ZEB2: variants seen among roughly 807,000 people sequenced by gnomAD.
The protein encoded by ZEB2 is zinc finger E-box binding homeobox 2, also known as zinc finger E-box-binding homeobox 2.
Under a neutral mutation model 99.9 loss-of-function variants are expected in ZEB2, and 6 were observed. That is an observed-to-expected ratio of 0.06 (90% CI 0.03 to 0.12). The LOEUF is 0.12. ZEB2 is among the 10% of genes least tolerant of loss of function. ZEB2 has a pLI of 1.00. For missense variants in ZEB2, 969 were observed against 1,502.8 expected, an observed-to-expected ratio of 0.64 and a Z score of 5.87; for synonymous variants, 517 against 542.5, an observed-to-expected ratio of 0.95 and a Z score of 0.65.
chr2:144,424,455 GTATATCA>G (rs1191081447), intron 4 of ZEB2: 2 of 538,000 alleles, frequency 3.7e-6, no homozygotes, highest in Non-Finnish European at 7.3e-6. Context: ...GCTAGCAGAG[GTATATCA>G]TATCCTAATT....
At chr2:144,489,966 T>G (rs540302655) in intron 2 of ZEB2, among the ~76,000 whole-genome samples, 1 of 152,240 alleles carries the variant, frequency 6.6e-6, no homozygotes, top group Admixed American at 6.5e-5. Flanking sequence ...GTTAACATGT[T>G]GTCAGAGAGA....
At chr2:144,456,363 A>G (rs1414671058) in intron 2 of ZEB2, among the ~76,000 whole-genome samples, 1 of 152,332 alleles carries the variant, frequency 6.6e-6, no homozygotes, top group Admixed American at 6.5e-5. Context: ...TATCGTAAGC[A>G]GACAATTCGA....
intron 2 of ZEB2, among the ~76,000 whole-genome samples, chr2:144,469,893 G>A (rs2149908692): frequency 6.6e-6 from 1 of 152,256 alleles, no homozygotes; most frequent in South Asian, 2.1e-4. Context: ...AAGGGTTACA[G>A]TGTGGAAATG....
At chr2:144,505,570 G>A (rs1704941838) in intron 2 of ZEB2, among the ~76,000 whole-genome samples, 2 of 152,206 alleles carry the variant, frequency 1.3e-5, no homozygotes, top group Admixed American at 6.5e-5. Flanking sequence ...AAGGGGCAAA[G>A]TGGAGTGGGA....
chr2:144,516,692 C>T (rs1013071316), intron 2 of ZEB2: 5 of 152,074 alleles, frequency 3.3e-5, no homozygotes, highest in Non-Finnish European at 5.9e-5. Context: ...GACTCCCTCC[C>T]ACCCCGGGGT....
rs978421589 is a variant in ZEB2, at chr2:144,511,489, C to T, written c.73+5789G>A. On this transcript the variant is annotated intron_variant, in intron 2 of 9. Coordinates refer to ENST00000627532, the MANE Select transcript of ZEB2 (RefSeq NM_014795.4). ...TCACACAAGATAAAAGTATTTGGCA[C>T]ATAGCTATTAAGGCAAAGGCTTCCA... 3.1e-5 allele frequency: 40 copies of T among 1,279,408 alleles called. No homozygotes were observed. In the African/African-American group the frequency reaches 4.3e-4, roughly 14 times the overall value. The allele number at this position is 1,279,408 out of a possible 1,614,324, so 79.3% of individuals were successfully genotyped here.
chr2:144,440,957 T>C (rs1703908094), intron 2 of ZEB2, among the ~76,000 whole-genome samples: 1 of 150,602 alleles, frequency 6.6e-6, no homozygotes, highest in South Asian at 2.1e-4. Context: ...TCACCCAGAC[T>C]TTCCCCTTTT....
chr2:144,486,397 T>C (rs1704598471), intron 2 of ZEB2, among the ~76,000 whole-genome samples: 1 of 150,810 alleles, frequency 6.6e-6, no homozygotes, highest in South Asian at 2.1e-4. Flanking sequence ...AGAAAGAATA[T>C]AATGTACTTA....
chr2:144,441,315 G>A (rs1174736940), intron 2 of ZEB2, among the ~76,000 whole-genome samples: 1 of 151,946 alleles, frequency 6.6e-6, no homozygotes, highest in Non-Finnish European at 1.5e-5. Flanking sequence ...GACCCTGGCC[G>A]CTTGGCGGCC....
At chr2:144,390,485 G>A (rs1283708071) in intron 9 of ZEB2, 1 of 245,328 alleles carries the variant, frequency 4.1e-6, no homozygotes, top group African/African-American at 2.3e-5. Flanking sequence ...TATATCATGA[G>A]ATAGTTGCTT....
chr2:144,483,290 T>C (rs1171639388), intron 2 of ZEB2, among the ~76,000 whole-genome samples: 1 of 152,184 alleles, frequency 6.6e-6, no homozygotes. Flanking sequence ...CCAATAGTCA[T>C]CCAACTTTTC....
At chr2:144,501,276 T>G (rs1028930052) in intron 2 of ZEB2, among the ~76,000 whole-genome samples, 4 of 152,180 alleles carry the variant, frequency 2.6e-5, no homozygotes, top group African/African-American at 9.7e-5. Flanking sequence ...TGTGTCTCCC[T>G]CCAATCATCC....
chr2:144,465,499 A>AC (rs1469907445), intron 2 of ZEB2, among the ~76,000 whole-genome samples: 1 of 151,746 alleles, frequency 6.6e-6, no homozygotes, highest in Non-Finnish European at 1.5e-5. Context: ...GGCAATAAAC[A>AC]CCCCCCAAGA....
chr2:144,492,330 A>G (rs1030288651), intron 2 of ZEB2, among the ~76,000 whole-genome samples: 2 of 152,188 alleles, frequency 1.3e-5, no homozygotes, highest in Non-Finnish European at 2.9e-5. Flanking sequence ...ATGTTGATTG[A>G]CTTGTTGACG....
Position 144,400,476 on chromosome 2 carries a change from G to A in ZEB2, c.917-206C>T, listed in dbSNP as rs571893228. ...GGACATAATTCAAGATGTTCACAGT[G>A]GAAGGTAAGGGCTATCTATGCCTTT... is the stretch of plus-strand genomic sequence containing the variant. On this transcript the variant is annotated intron_variant, in intron 7 of 9. Coordinates refer to ENST00000627532, the MANE Select transcript of ZEB2 (RefSeq NM_014795.4). The A allele has an allele frequency of 4.6e-6, 3 of 648,186 alleles. No individual in the cohort carries two copies. In the Admixed American group the frequency reaches 8.7e-5, roughly 19 times the overall value. The allele number at this position is 648,186 out of a possible 1,614,324, so 40.2% of individuals were successfully genotyped here. A position where few individuals can be genotyped will look rare whatever the true frequency, so the allele number is the denominator to read the frequency against.
chr2:144,390,014 G>T lies in ZEB2; in HGVS notation c.3082C>A (p.Gln1028Lys). The change falls in exon 10 of 10, where the codon CAG (glutamine) becomes AAG (lysine). Residue 1028 changes from glutamine to lysine, a missense_variant. Coordinates refer to ENST00000627532, the MANE Select transcript of ZEB2 (RefSeq NM_014795.4). ...KYEHTGKRPH[Q>K]CQICKKAFKH... Reference sequence around the variant, plus strand: ...AACGCTTTCTTACAAATCTGACACTGATGTGGTCTTTTTCCTGGGAGAAAG... The same window carrying T: ...AACGCTTTCTTACAAATCTGACACTTATGTGGTCTTTTTCCTGGGAGAAAG... 6.2e-7 allele frequency: 1 copy of T among 1,600,690 alleles called. No homozygotes were observed. Among genetic ancestry groups the T allele is most frequent in the Non-Finnish European group, 8.5e-7 (1 of 1,179,974 alleles).
In ZEB2 at chr2:144,401,165, T is replaced by TG. The variant is rs780436896; in HGVS notation, c.916+33dup. On this transcript the variant is annotated intron_variant, in intron 7 of 9. Transcript: ENST00000627532. The stretch of plus-strand genomic sequence containing the variant: ...TTAAAACTCCCCTAATTAAGTAAAA[T>TG]GCAAATGCGAGCTCCAGCACCTCTG... 4.4e-6 allele frequency: 7 copies of TG among 1,588,010 alleles called. No individual in the cohort carries two copies. The African/African-American group carries it at 9.4e-5, about 21-fold the overall frequency.
At chr2:144,503,654 TCAGG>T (rs1459223103) in intron 2 of ZEB2, 1 of 152,108 alleles carries the variant, frequency 6.6e-6, no homozygotes, top group Non-Finnish European at 1.5e-5. Context: ...AAAAATGTTC[TCAGG>T]CAAAGGAAAC....
chr2:144,405,312 T>A (rs184180792), intron 4 of ZEB2: 1 of 367,678 alleles, frequency 2.7e-6, no homozygotes, highest in East Asian at 5.8e-5. Context: ...TTAAAATGTT[T>A]TTCATAAATT....
Sources: allele counts gnomAD v4.1 joint callset (sites outside exome capture counted in the v4.1 genomes callset), GRCh38; gene constraint gnomAD v4.1.1; transcripts MANE v1.5; gene names NCBI Gene and HGNC (gene_info 2026-07-23, HGNC 2026-07-21).